Variants in DLGAP2 observed in about 807,000 individuals in gnomAD.
DLGAP2 encodes disks large-associated protein 2.
DLGAP2 carries 26 observed loss-of-function variants against 100.3 expected under a neutral mutation model. The ratio of observed to expected loss-of-function variants is 0.26; its 90% CI spans 0.19 to 0.36. The LOEUF (loss-of-function observed/expected upper bound fraction) is 0.36, where lower values mean the gene tolerates loss of function less well. Ranked by LOEUF, DLGAP2 falls within the 10% of genes least tolerant of loss-of-function variation. The pLI, the probability that DLGAP2 is intolerant of heterozygous loss-of-function variation, is 1.00. For missense variants in DLGAP2, 1,858 were observed against 1,453.2 expected, an observed-to-expected ratio of 1.28 and a Z score of -4.53; for synonymous variants, 886 against 630.1, an observed-to-expected ratio of 1.41 and a Z score of -6.08.
intron 3 of DLGAP2, among the ~76,000 whole-genome samples, chr8:1,336,759 G>C (rs1433913928): frequency 6.6e-6 from 1 of 152,214 alleles, no homozygotes; most frequent in East Asian, 1.9e-4. Flanking sequence ...AGTGAAAGCA[G>C]TGGGCTCCTC....
At chr8:1,203,070 C>T (rs573274686) in intron 2 of DLGAP2, among the ~76,000 whole-genome samples, 2 of 152,288 alleles carry the variant, frequency 1.3e-5, no homozygotes, top group South Asian at 4.1e-4. Context: ...CTCTCCGGCT[C>T]TCCCAAATGG....
At chr8:1,059,833 G>A (rs1404408851) in intron 2 of DLGAP2, among the ~76,000 whole-genome samples, 1 of 152,212 alleles carries the variant, frequency 6.6e-6, no homozygotes, top group Non-Finnish European at 1.5e-5. Context: ...CAGCCAGGCA[G>A]TGGGACCGAC....
chr8:804,489 GT>G (rs1563040602), intron 1 of DLGAP2, among the ~76,000 whole-genome samples: 1 of 152,160 alleles, frequency 6.6e-6, no homozygotes, highest in Non-Finnish European at 1.5e-5. Flanking sequence ...CCTTGTTGCT[GT>G]TTCCGTGTGT....
intron 2 of DLGAP2, among the ~76,000 whole-genome samples, chr8:965,231 C>T (rs1231829126): frequency 7.4e-6 from 1 of 134,574 alleles, no homozygotes; most frequent in Non-Finnish European, 1.6e-5. Context: ...GCACTGCACA[C>T]GGCACTGTTC....
intron 2 of DLGAP2, among the ~76,000 whole-genome samples, chr8:1,073,220 T>C (rs976626108): frequency 3.9e-5 from 6 of 152,190 alleles, no homozygotes; most frequent in Non-Finnish European, 8.8e-5. Context: ...CATCTTTCTC[T>C]TCTGCTATTG....
chr8:1,537,435 A>T (rs1262276997), intron 4 of DLGAP2, among the ~76,000 whole-genome samples: 1 of 152,066 alleles, frequency 6.6e-6, no homozygotes, highest in Non-Finnish European at 1.5e-5. Context: ...ATATCTGCCA[A>T]ACCCTTCCCT....
intron 3 of DLGAP2, among the ~76,000 whole-genome samples, chr8:1,260,228 T>C (rs1799318412): frequency 6.6e-6 from 1 of 152,190 alleles, no homozygotes; most frequent in African/African-American, 2.4e-5. Context: ...TATTATTTCT[T>C]ATTATAACTT....
rs115969351 is a variant in DLGAP2, at chr8:1,344,188, C to T, written c.106+85305C>T. ...TTGTACTCGGGGCGCTGTCGTGGGTCCGTGTACTCGGGGCCCTGTCGTGGG... is the reference window on the plus strand; with the variant it reads ...TTGTACTCGGGGCGCTGTCGTGGGTTCGTGTACTCGGGGCCCTGTCGTGGG... On this transcript the variant is annotated intron_variant, in intron 3 of 14. Transcript: ENST00000637795. Among the ~76,000 whole-genome samples the T allele has an allele frequency of 4.0e-3, 599 of 151,586 alleles. 21 individuals are homozygous for T. The highest frequency in any genetic ancestry group is 0.014 in the African/African-American group (573 of 41,318).
chr8:1,107,945 G>C (rs73524655), intron 2 of DLGAP2, among the ~76,000 whole-genome samples: 1 of 152,310 alleles, frequency 6.6e-6, no homozygotes, highest in South Asian at 2.1e-4. Context: ...GTAACCCTGG[G>C]TTGTGGACTC....
At chr8:925,653 T>C (rs1353041644) in intron 2 of DLGAP2, among the ~76,000 whole-genome samples, 1 of 152,176 alleles carries the variant, frequency 6.6e-6, no homozygotes, top group African/African-American at 2.4e-5. Flanking sequence ...TGTATTTGTT[T>C]ACACATATGT....
At chr8:1,577,562 T>C (rs1345665288) in intron 6 of DLGAP2, among the ~76,000 whole-genome samples, 2 of 81,114 alleles carry the variant, frequency 2.5e-5, no homozygotes, top group African/African-American at 1.6e-4. Context: ...AATTACACTC[T>C]CTCTCAAAAA....
intron 4 of DLGAP2, among the ~76,000 whole-genome samples, chr8:1,504,671 C>G (rs1324674184): frequency 6.6e-6 from 1 of 152,194 alleles, no homozygotes; most frequent in African/African-American, 2.4e-5. Context: ...GCTTGTTCCA[C>G]TTAGCATGAT....
At chr8:1,342,357 G>A (rs1167220232) in intron 3 of DLGAP2, among the ~76,000 whole-genome samples, 1 of 152,138 alleles carries the variant, frequency 6.6e-6, no homozygotes, top group Non-Finnish European at 1.5e-5. Context: ...CACAGATGAT[G>A]CGTTTAATTT....
intron 2 of DLGAP2, among the ~76,000 whole-genome samples, chr8:1,253,114 GA>G (rs1348290524): frequency 6.6e-6 from 1 of 152,194 alleles, no homozygotes; most frequent in African/African-American, 2.4e-5. Flanking sequence ...CCTGTAGAAG[GA>G]GCACAGATGC....
intron 4 of DLGAP2, among the ~76,000 whole-genome samples, chr8:1,527,315 C>CCCCCT (rs1234732466): frequency 3.7e-4 from 56 of 152,380 alleles, no homozygotes; most frequent in African/African-American, 1.3e-3. Context: ...CAGCCAGAGG[C>CCCCCT]CCTTGCCCAC....
At chr8:1,181,424 T>G (rs1320293009) in intron 2 of DLGAP2, among the ~76,000 whole-genome samples, 1 of 152,220 alleles carries the variant, frequency 6.6e-6, no homozygotes, top group African/African-American at 2.4e-5. Flanking sequence ...TCCATGTTCC[T>G]GCAGGGCACG....
At position 858,362 on chromosome 8, in the gene DLGAP2, G is replaced by C. The variant is rs530353018; in HGVS notation, c.19-49550G>C. ...CGCAATGTAGGATTCCGACTGCATG[G>C]CATTCTGGAAAAGACAGAACTGTGC... On this transcript the variant is annotated intron_variant, in intron 1 of 14. Coordinates refer to ENST00000637795, the MANE Select transcript of DLGAP2 (RefSeq NM_001346810.2). 2.5e-3 allele frequency among the ~76,000 whole-genome samples: 388 copies of C among 152,394 alleles called. 1 individual carries two copies. The highest frequency in any genetic ancestry group is 9.0e-3 in the African/African-American group (373 of 41,604).
At chr8:1,371,415 A>G (rs994495844) in intron 3 of DLGAP2, among the ~76,000 whole-genome samples, 1 of 151,864 alleles carries the variant, frequency 6.6e-6, no homozygotes, top group Non-Finnish European at 1.5e-5. Flanking sequence ...TGGTTCCTGG[A>G]CTCCAGGCAT....
chr8:809,356 C>G (rs1267118391), intron 1 of DLGAP2, among the ~76,000 whole-genome samples: 3 of 152,074 alleles, frequency 2.0e-5, no homozygotes, highest in Admixed American at 2.0e-4. Flanking sequence ...GCCCAGTAAT[C>G]TTTTGACTTT....
Sources: allele counts gnomAD v4.1 joint callset (sites outside exome capture counted in the v4.1 genomes callset), GRCh38; gene constraint gnomAD v4.1.1; transcripts MANE v1.5; gene names NCBI Gene and HGNC (gene_info 2026-07-23, HGNC 2026-07-21).